The following LRRC27 variants were observed in gnomAD, a reference collection of about 807,000 sequenced individuals.
LRRC27 encodes the protein leucine-rich repeat-containing protein 27.
LRRC27 carries 57 observed loss-of-function variants against 55.0 expected under a neutral mutation model. The observed-to-expected ratio is 1.04, with a 90% CI of 0.84 to 1.29. The LOEUF (loss-of-function observed/expected upper bound fraction) is 1.29. Ranked by LOEUF, LRRC27 falls within the 50% of genes most tolerant of loss-of-function variation. LRRC27 has a pLI of 0.00. For missense variants in LRRC27, 721 were observed against 651.5 expected, an observed-to-expected ratio of 1.11 and a Z score of -1.16; for synonymous variants, 278 against 251.9, an observed-to-expected ratio of 1.10 and a Z score of -0.98.
At chr10:132,370,150 T>G (rs1193922554) in intron 10 of LRRC27, among the ~76,000 whole-genome samples, 1 of 152,348 alleles carries the variant, frequency 6.6e-6, no homozygotes, top group African/African-American at 2.4e-5. Context: ...TACTGCACTG[T>G]CTTCTTGGGG....
In LRRC27 at chr10:132,370,613, G is replaced by A. The variant is rs3750852; in HGVS notation, c.1417-4453G>A. ...CGCTGCCTCTCACAGAGCGCCGGGCGGGTGGGCCAGGGGAGAGGGGTCCCT... is the reference window on the plus strand; with the variant it reads ...CGCTGCCTCTCACAGAGCGCCGGGCAGGTGGGCCAGGGGAGAGGGGTCCCT... On this transcript the variant is annotated intron_variant, in intron 10 of 10. Transcript: ENST00000368614. 6.5e-4 allele frequency among the ~76,000 whole-genome samples: 99 copies of A among 152,326 alleles called. 1 individual carries two copies. The East Asian group carries it at 0.016, about 25-fold the overall frequency.
At chr10:132,370,664 G>A (rs1310505548) in intron 10 of LRRC27, among the ~76,000 whole-genome samples, 1 of 152,214 alleles carries the variant, frequency 6.6e-6, no homozygotes, top group Admixed American at 6.5e-5. Flanking sequence ...AGCATGGCAG[G>A]CTCCGTGCCG....
chr10:132,366,762 G>C, intron 10 of LRRC27: 1 of 1,060,744 alleles, frequency 9.4e-7, no homozygotes. Flanking sequence ...TGTCACGGGG[G>C]AGGAAGCAAC....
chr10:132,354,740 C>T (rs1021629258), intron 7 of LRRC27, among the ~76,000 whole-genome samples: 1 of 152,162 alleles, frequency 6.6e-6, no homozygotes, highest in South Asian at 2.1e-4. Flanking sequence ...GAGCAGAGGT[C>T]GGGTGGAGGC....
chr10:132,337,093 C>T (rs577265294), intron 2 of LRRC27: 42 of 1,255,792 alleles, frequency 3.3e-5, no homozygotes, highest in East Asian at 1.3e-4. Flanking sequence ...ACATCTCTGT[C>T]CCTGTCTTTT....
At chr10:132,364,952 A>G (rs12358251) in intron 9 of LRRC27, among the ~76,000 whole-genome samples, 26,463 of 152,074 alleles carry the variant, frequency 0.17, 2,606 homozygotes, top group African/African-American at 0.27. Flanking sequence ...CTTTAAAATT[A>G]AAGGAACCCC....
chr10:132,344,402 T>C, intron 4 of LRRC27, 96 bp from the exon 5 acceptor site: 1 of 1,285,178 alleles, frequency 7.8e-7, no homozygotes, highest in Non-Finnish European at 1.1e-6. Context: ...AATAGAATCA[T>C]ATTTTAAAAT....
intron 10 of LRRC27, among the ~76,000 whole-genome samples, chr10:132,369,431 A>T (rs939506474): frequency 2.6e-5 from 4 of 152,210 alleles, no homozygotes; most frequent in Admixed American, 2.0e-4. Flanking sequence ...CTTAGCACTG[A>T]AAGGAAATGA....
In LRRC27 at chr10:132,375,200, C is replaced by T. The variant is rs202226934; in HGVS notation, c.1551C>T (p.Asn517=). The change falls in exon 11 of 11, where the codon AAC becomes AAT. Residue 517 remains asparagine (N), a synonymous_variant. Transcript: ENST00000368614. ...PAAQPQNTFF[N]TKYGESGNVR... ...CACAGCCTCAAAATACATTTTTTAACACAAAATATGGAGAATCAGGAAATG... is the reference window on the plus strand; with the variant it reads ...CACAGCCTCAAAATACATTTTTTAATACAAAATATGGAGAATCAGGAAATG... 6.2e-7 allele frequency: 1 copy of T among 1,613,956 alleles called. No homozygotes were observed. The highest frequency in any genetic ancestry group is 1.1e-5 in the South Asian group (1 of 91,082).
chr10:132,355,118 C>G (rs1188814218), intron 7 of LRRC27, among the ~76,000 whole-genome samples: 1 of 152,198 alleles, frequency 6.6e-6, no homozygotes, highest in Non-Finnish European at 1.5e-5. Context: ...CTCCGTCACC[C>G]AGGCTGGAGT....
chr10:132,365,589 G>A (rs1412056167), intron 10 of LRRC27, 39 bp downstream of exon 10: 2 of 1,600,456 alleles, frequency 1.2e-6, no homozygotes, highest in East Asian at 2.2e-5. Flanking sequence ...AGTGTGGGGT[G>A]TTTTTTGTTT....
upstream of LRRC27, among the ~76,000 whole-genome samples, chr10:132,330,959 T>TTTG (rs2066679773): frequency 6.6e-6 from 1 of 150,828 alleles, no homozygotes; most frequent in Non-Finnish European, 1.5e-5. Context: ...TCCCAGCACT[T>TTTG]TGGGAGGCCG....
chr10:132,358,163 G>A (rs1352425745), intron 8 of LRRC27, among the ~76,000 whole-genome samples: 4 of 152,232 alleles, frequency 2.6e-5, no homozygotes, highest in Non-Finnish European at 5.9e-5. Flanking sequence ...AGAAGAAATG[G>A]GCAAAAAGTA....
chr10:132,357,987 C>T (rs2068384035), intron 8 of LRRC27, among the ~76,000 whole-genome samples: 1 of 152,202 alleles, frequency 6.6e-6, no homozygotes, highest in Admixed American at 6.5e-5. Flanking sequence ...CCTGCTGCTT[C>T]CCTGTGCCAC....
At chr10:132,355,221 G>T (rs964596416) in intron 7 of LRRC27, among the ~76,000 whole-genome samples, 1 of 151,926 alleles carries the variant, frequency 6.6e-6, no homozygotes, top group Admixed American at 6.6e-5. Flanking sequence ...AACTAGAGGC[G>T]CCCACCACTA....
At position 132,347,896 on chromosome 10, in the gene LRRC27, C is replaced by G. The variant is rs1199298680; in HGVS notation, c.554-88C>G. On this transcript the variant is annotated intron_variant, in intron 5 of 10. Transcript: ENST00000368614. ...TGGAGGATCTGGGCACCCCACCCCC[C>G]ACCATCCAGGCCGTCACTGGCTTTT... 2.8e-5 allele frequency: 41 copies of G among 1,483,804 alleles called. No homozygotes were observed. The East Asian group carries it at 7.5e-4, about 27-fold the overall frequency. 91.9% of individuals were successfully genotyped at this position (1,483,804 alleles called of 1,614,324 possible). A position where few individuals can be genotyped will look rare whatever the true frequency, so the allele number is the denominator to read the frequency against.
In LRRC27 at chr10:132,337,250, G is replaced by A. The variant is rs533034798; in HGVS notation, c.211-315G>A. On this transcript the variant is annotated intron_variant, in intron 2 of 10. Coordinates refer to ENST00000368614, the MANE Select transcript of LRRC27 (RefSeq NM_030626.3). ...AGAAACGGCCGAGACACTGAGTGTG[G>A]GGCCCCGGAATTCAGACCATGTCAA... 6.7e-6 allele frequency: 8 copies of A among 1,189,664 alleles called. No individual in the cohort carries two copies. The East Asian group carries it at 3.5e-4, about 52-fold the overall frequency. The allele number at this position is 1,189,664 out of a possible 1,614,324, so 73.7% of individuals were successfully genotyped here.
chr10:132,342,654 C>T (rs1297259885), intron 4 of LRRC27, among the ~76,000 whole-genome samples: 1 of 152,206 alleles, frequency 6.6e-6, no homozygotes, highest in East Asian at 1.9e-4. Context: ...CTTTTTTAGA[C>T]TTCAGAATCT....
At chr10:132,353,078 G>A (rs901212105) in intron 7 of LRRC27, 2 of 1,522,802 alleles carry the variant, frequency 1.3e-6, no homozygotes, top group Non-Finnish European at 1.8e-6. Context: ...TGGGCCCCAG[G>A]AGTCCGGCTG....
Sources: gnomAD v4.1 joint callset for allele counts (sites outside exome capture counted in the v4.1 genomes callset) on GRCh38, gnomAD v4.1.1 for gene constraint, MANE v1.5 for transcripts, NCBI Gene and HGNC (gene_info 2026-07-23, HGNC 2026-07-21) for gene names.